Variants in SLC28A1 observed in about 807,000 individuals in gnomAD.
SLC28A1 encodes solute carrier family 28 member 1.
A neutral mutation model predicts 74.8 loss-of-function variants in SLC28A1; 64 were observed. That is an observed-to-expected ratio of 0.86 (90% confidence interval 0.70 to 1.05). The LOEUF (loss-of-function observed/expected upper bound fraction) is 1.05, where lower values mean the gene tolerates loss of function less well. Ranked by LOEUF, SLC28A1 falls within the 50% of genes least tolerant of loss-of-function variation. The pLI is 0.00. For missense variants in SLC28A1, 828 were observed against 822.8 expected, an observed-to-expected ratio of 1.01 and a Z score of -0.08; for synonymous variants, 359 against 335.0, an observed-to-expected ratio of 1.07 and a Z score of -0.78.
At chr15:84,920,176 T>C (rs1396408074) in intron 10 of SLC28A1, among the ~76,000 whole-genome samples, 1 of 152,254 alleles carries the variant, frequency 6.6e-6, no homozygotes, top group Non-Finnish European at 1.5e-5. Context: ...TTGGGCGTGG[T>C]GGCTCATGCC....
intron 10 of SLC28A1, among the ~76,000 whole-genome samples, chr15:84,919,853 G>A (rs1179850457): frequency 2.0e-5 from 3 of 152,152 alleles, no homozygotes; most frequent in Non-Finnish European, 4.4e-5. Context: ...AACCATAGCA[G>A]TTATGTTAAG....
the SLC28A1 span, among the ~76,000 whole-genome samples, chr15:84,953,762 T>C: frequency 6.6e-6 from 1 of 152,162 alleles, no homozygotes. Context: ...ATAGTGAAAG[T>C]ACTGGAGTTT....
chr15:84,918,270 A>C (rs1969379855), intron 9 of SLC28A1, among the ~76,000 whole-genome samples: 1 of 152,084 alleles, frequency 6.6e-6, no homozygotes, highest in South Asian at 2.1e-4. Context: ...ACCTGTGCTG[A>C]GGAGAGGGGG....
intron 15 of SLC28A1, 116 bp from the exon 16 acceptor site, chr15:84,943,329 A>G: frequency 1.3e-6 from 1 of 754,962 alleles, no homozygotes; most frequent in South Asian, 1.5e-5. Context: ...AGAGGACTCA[A>G]AGGTCAATTA....
intron 12 of SLC28A1, among the ~76,000 whole-genome samples, chr15:84,927,196 T>C (rs573586216): frequency 2.0e-5 from 3 of 152,234 alleles, no homozygotes; most frequent in African/African-American, 7.2e-5. Context: ...CAATTGTTTT[T>C]GGAAGTGTGG....
At chr15:84,906,569 T>TTC (rs1567140605) in intron 8 of SLC28A1, among the ~76,000 whole-genome samples, 11 of 84,576 alleles carry the variant, frequency 1.3e-4, no homozygotes, top group African/African-American at 4.7e-4. Flanking sequence ...TCTTTCTCTT[T>TTC]CTTTCTTCCT....
chr15:84,934,477 A>G (rs1022662127), intron 13 of SLC28A1, among the ~76,000 whole-genome samples: 3 of 152,332 alleles, frequency 2.0e-5, no homozygotes, highest in Admixed American at 2.0e-4. Flanking sequence ...ACCTTAAACA[A>G]TGTTGAAAAG....
intron 6 of SLC28A1, among the ~76,000 whole-genome samples, chr15:84,898,932 A>G (rs984558380): frequency 6.6e-6 from 1 of 152,210 alleles, no homozygotes; most frequent in African/African-American, 2.4e-5. Flanking sequence ...GCACAGAGAC[A>G]CAGTTGAGAG....
intron 5 of SLC28A1, among the ~76,000 whole-genome samples, chr15:84,891,990 G>A (rs1965421210): frequency 6.6e-6 from 1 of 152,040 alleles, no homozygotes; most frequent in Admixed American, 6.6e-5. Context: ...CACCCCACCG[G>A]GAGGGGTGGG....
chr15:84,931,141 A>T (rs896696288), intron 12 of SLC28A1, among the ~76,000 whole-genome samples: 1 of 151,492 alleles, frequency 6.6e-6, no homozygotes, highest in Non-Finnish European at 1.5e-5. Context: ...CCTGACCTCA[A>T]GTGATCTGCC....
Position 84,905,650 on chromosome 15 carries a change from C to A in SLC28A1, c.715C>A (p.Arg239=). 4 of 1,608,712 alleles carry A rather than the reference C, an allele frequency of 2.5e-6. No individual in the cohort carries two copies. Among genetic ancestry groups the A allele is most frequent in the Non-Finnish European group, 3.4e-6 (4 of 1,175,246 alleles). Residue 239 remains arginine, a splice_region_variant and synonymous_variant, in exon 8 of 19, where the codon CGG becomes AGG. Coordinates refer to ENST00000394573, the MANE Select transcript of SLC28A1 (RefSeq NM_004213.5). ...IAFEWLGEQI[R]IFLSYTKAGS... is the part of the protein sequence containing the mutation. Reference sequence around the variant, plus strand: ...GTTCGAGTGGCTGGGCGAGCAGATCCGGGTAGGTATGTGGGGTCTGGCTGC... The same window carrying A: ...GTTCGAGTGGCTGGGCGAGCAGATCAGGGTAGGTATGTGGGGTCTGGCTGC...
At chr15:84,930,512 C>T (rs553566489) in intron 12 of SLC28A1, among the ~76,000 whole-genome samples, 4 of 152,104 alleles carry the variant, frequency 2.6e-5, no homozygotes, top group Admixed American at 6.5e-5. Flanking sequence ...GGACACAATA[C>T]CTGGGATTCA....
intron 9 of SLC28A1, among the ~76,000 whole-genome samples, chr15:84,915,493 G>T (rs1968956161): frequency 3.9e-5 from 6 of 152,332 alleles, no homozygotes; most frequent in African/African-American, 1.4e-4. Context: ...GTCTCCGGCA[G>T]TGAGCACAGT....
At chr15:84,898,804 C>T (rs998308179) in intron 6 of SLC28A1, among the ~76,000 whole-genome samples, 15 of 152,080 alleles carry the variant, frequency 9.9e-5, no homozygotes, top group Non-Finnish European at 1.0e-4. Flanking sequence ...GCCTGGAGAG[C>T]GTTTCCAGAC....
intron 15 of SLC28A1, chr15:84,939,764 T>C (rs570998247): frequency 6.6e-6 from 1 of 152,344 alleles, no homozygotes; most frequent in Non-Finnish European, 1.5e-5. Flanking sequence ...TTGTATTTAC[T>C]TAGAAGCATT....
intron 12 of SLC28A1, among the ~76,000 whole-genome samples, chr15:84,926,934 GC>G (rs1420510193): frequency 1.3e-5 from 2 of 152,116 alleles, no homozygotes; most frequent in African/African-American, 4.8e-5. Flanking sequence ...CAGCCAGCCT[GC>G]CCCTCCATCT....
chr15:84,955,193 G>A, the SLC28A1 span, among the ~76,000 whole-genome samples: 4 of 152,128 alleles, frequency 2.6e-5, no homozygotes, highest in Admixed American at 6.5e-5. Flanking sequence ...ACAGCCATTC[G>A]AATCTTCCCC....
At chr15:84,908,349 A>G (rs918695169) in intron 8 of SLC28A1, among the ~76,000 whole-genome samples, 3 of 151,626 alleles carry the variant, frequency 2.0e-5, no homozygotes, top group African/African-American at 7.3e-5. Flanking sequence ...ATGCTCAGGT[A>G]ATTTTTGTAT....
intron 12 of SLC28A1, among the ~76,000 whole-genome samples, chr15:84,925,420 G>A (rs1423643478): frequency 1.3e-5 from 2 of 152,192 alleles, no homozygotes; most frequent in East Asian, 3.9e-4. Flanking sequence ...CCAACATGGT[G>A]AAATCTCATC....
Sources: allele counts gnomAD v4.1 joint callset (sites outside exome capture counted in the v4.1 genomes callset), GRCh38; gene constraint gnomAD v4.1.1; transcripts MANE v1.5; gene names NCBI Gene and HGNC (gene_info 2026-07-23, HGNC 2026-07-21).